SLC6A7: variants seen among roughly 807,000 people sequenced by gnomAD.
SLC6A7 encodes solute carrier family 6 member 7.
Under a neutral mutation model 73.1 loss-of-function variants are expected in SLC6A7, and 58 were observed. The ratio of observed to expected loss-of-function variants is 0.79; its 90% CI spans 0.64 to 0.99. The LOEUF (loss-of-function observed/expected upper bound fraction) is 0.99. Ranked by LOEUF, SLC6A7 falls within the 50% of genes least tolerant of loss-of-function variation. SLC6A7 has a pLI of 0.00. For synonymous variants in SLC6A7, 338 were observed against 338.7 expected (o/e 1.00, Z 0.02); for missense variants, 783 against 831.4 (o/e 0.94, Z 0.72).
intron 5 of SLC6A7, 129 bp from the exon 6 acceptor site, chr5:150,200,960 A>G (rs1022967597): frequency 7.6e-5 from 68 of 889,784 alleles, no homozygotes; most frequent in Non-Finnish European, 1.1e-4. Context: ...GGAAGCCTCA[A>G]GGATGAAGGC....
At position 150,197,136 on chromosome 5, in the gene SLC6A7, C is replaced by T; in HGVS notation, c.444C>T (p.Leu148=). 1 of 1,614,134 alleles carries T rather than the reference C, an allele frequency of 6.2e-7. No homozygotes were observed. Among genetic ancestry groups the T allele is most frequent in the Middle Eastern group, 1.7e-4 (1 of 6,060 alleles). ...AYVLFYLFAS[L]TSDLPWEHCG... ...TGCTCTTCTACCTCTTCGCCTCCCT[C>T]ACCAGCGACCTACCCTGGGAGCACT... is the stretch of plus-strand genomic sequence containing the variant. Residue 148 remains leucine, a synonymous_variant, in exon 4 of 14, where the codon CTC becomes CTT. Transcript: ENST00000230671.
chr5:150,194,115 GTCATCC>G (rs1320769778), intron 1 of SLC6A7, among the ~76,000 whole-genome samples: 2 of 152,058 alleles, frequency 1.3e-5, no homozygotes, highest in African/African-American at 2.4e-5. Flanking sequence ...CTTCATCTTC[GTCATCC>G]TCATCCTCAT....
At chr5:150,207,861 G>T (rs1195687201) in intron 13 of SLC6A7, among the ~76,000 whole-genome samples, 1 of 152,008 alleles carries the variant, frequency 6.6e-6, no homozygotes, top group African/African-American at 2.4e-5. Context: ...TTAGGCCAGG[G>T]GTTCTCACAG....
intron 12 of SLC6A7, 89 bp downstream of exon 12, chr5:150,205,016 C>A: frequency 1.3e-6 from 1 of 795,270 alleles, no homozygotes; most frequent in South Asian, 1.6e-5. Flanking sequence ...GTAGGGCCAC[C>A]CTGGCCCGCA....
intron 1 of SLC6A7, among the ~76,000 whole-genome samples, chr5:150,194,293 G>A (rs1204028033): frequency 1.3e-5 from 2 of 152,112 alleles, no homozygotes; most frequent in Non-Finnish European, 2.9e-5. Flanking sequence ...GCCGGGCGTG[G>A]TGGTGGGCGC....
At chr5:150,198,049 G>GAA (rs1316443957) in intron 4 of SLC6A7, among the ~76,000 whole-genome samples, 2 of 103,650 alleles carry the variant, frequency 1.9e-5, no homozygotes, top group South Asian at 3.2e-4. Context: ...AAAGAAGAAA[G>GAA]AGAAAGAAAG....
chr5:150,197,643 A>G (rs904565080), intron 4 of SLC6A7, among the ~76,000 whole-genome samples: 7 of 152,220 alleles, frequency 4.6e-5, no homozygotes, highest in Admixed American at 3.3e-4. Context: ...TAATAGTAAC[A>G]TTATGGAGTC....
Position 150,190,273 on chromosome 5 carries a change from T to A in SLC6A7, c.-55T>A, listed in dbSNP as rs1323028088. ...GCAGTGGCCAGCGGACCATCTCTCG[T>A]GCCCTCGCTCTCTGCGCTCCGGGGC... On this transcript the variant is annotated 5_prime_UTR_variant, in exon 1 of 14. Transcript: ENST00000230671. The A allele has an allele frequency of 2.7e-6, 4 of 1,455,550 alleles. No homozygotes were observed. The African/African-American group carries it at 5.9e-5, about 21-fold the overall frequency. 90.2% of individuals were successfully genotyped at this position (1,455,550 alleles called of 1,614,324 possible).
In SLC6A7 at chr5:150,203,824, T is replaced by TGTGG. The variant is rs1562096698; in HGVS notation, c.1200+48_1200+49insGGTG. ...GCAGGCACCCCGTGTGTGTGTGGTG[T>TGTGG]GTGTGTGTGTGTGTGTGTGTGTGTG... On this transcript the variant is annotated intron_variant, in intron 9 of 13. Transcript: ENST00000230671. 19 of 847,848 alleles carry TGTGG rather than the reference T, an allele frequency of 2.2e-5. No homozygotes were observed. In the African/African-American group the frequency reaches 3.0e-4, roughly 13 times the overall value. 52.5% of individuals were successfully genotyped at this position (847,848 alleles called of 1,614,324 possible). A position where few individuals can be genotyped will look rare whatever the true frequency, so the allele number is the denominator to read the frequency against.
chr5:150,194,822 A>T lies in SLC6A7; in HGVS notation c.128A>T (p.Lys43Met), dbSNP rs1457414167. 1 of 1,614,138 alleles carries T rather than the reference A, an allele frequency of 6.2e-7. No homozygotes were observed. Among genetic ancestry groups the T allele is most frequent in the African/African-American group, 1.3e-5 (1 of 75,028 alleles). The change falls in exon 2 of 14, where the codon AAG becomes ATG. Residue 43 changes from lysine to methionine, a missense_variant. Lys to Met is a moderately conservative substitution (Grantham distance 95). Transcript: ENST00000230671. ...GCACACCGGGGGAACTGGACAGGCA[A>T]GCTGGACTTCCTGCTGTCCTGCATT... ...FAAHRGNWTG[K>M]LDFLLSCIGY...
At chr5:150,205,657 C>T (rs534762446) in intron 13 of SLC6A7, 34 bp downstream of exon 13, 9 of 1,574,378 alleles carry the variant, frequency 5.7e-6, no homozygotes, top group South Asian at 4.7e-5. Flanking sequence ...TCTCAGCCTT[C>T]CTGACCTGTG....
At position 150,204,006 on chromosome 5, in the gene SLC6A7, A is replaced by G. The variant is rs201628739; in HGVS notation, c.1300A>G (p.Met434Val). The change falls in exon 10 of 14, where the codon ATG becomes GTG. Residue 434 changes from methionine to valine, a missense_variant. Transcript: ENST00000230671. ...GTTCTCAGGGCTCATCTGCGTGGCC[A>G]TGTACCTGATGGGGCTGATCCTCAC... ...AVFSGLICVA[M>V]YLMGLILTTD... is the part of the protein sequence containing the mutation. 154 of 1,613,434 alleles carry G rather than the reference A, an allele frequency of 9.5e-5. No individual in the cohort carries two copies. Among genetic ancestry groups the G allele is most frequent in the Non-Finnish European group, 1.2e-4 (147 of 1,179,830 alleles).
intron 13 of SLC6A7, among the ~76,000 whole-genome samples, chr5:150,208,687 C>G (rs1753815457): frequency 6.6e-6 from 1 of 152,220 alleles, no homozygotes; most frequent in Admixed American, 6.5e-5. Context: ...TGTTAATTGC[C>G]TCCTTTCTTT....
chr5:150,207,529 T>A (rs1383701168), intron 13 of SLC6A7, among the ~76,000 whole-genome samples: 1 of 152,208 alleles, frequency 6.6e-6, no homozygotes, highest in African/African-American at 2.4e-5. Flanking sequence ...TGTCTTTGTC[T>A]TTAAAATGGA....
chr5:150,206,839 C>T (rs547170567), intron 13 of SLC6A7, among the ~76,000 whole-genome samples: 1 of 152,326 alleles, frequency 6.6e-6, no homozygotes, highest in South Asian at 2.1e-4. Context: ...AGCTCATGGT[C>T]CCCAAGCCTT....
intron 1 of SLC6A7, among the ~76,000 whole-genome samples, chr5:150,193,422 G>A (rs906872266): frequency 2.6e-5 from 4 of 152,160 alleles, no homozygotes; most frequent in Non-Finnish European, 5.9e-5. Context: ...TCCTGCTCAT[G>A]AGCCAAAATT....
At chr5:150,192,220 C>T (rs1017979280) in intron 1 of SLC6A7, among the ~76,000 whole-genome samples, 2 of 152,066 alleles carry the variant, frequency 1.3e-5, no homozygotes, top group African/African-American at 4.8e-5. Flanking sequence ...TGCTGTTTGA[C>T]CTTGGGCTCA....
At chr5:150,200,845 C>A (rs1753341494) in intron 5 of SLC6A7, among the ~76,000 whole-genome samples, 1 of 152,030 alleles carries the variant, frequency 6.6e-6, no homozygotes, top group Non-Finnish European at 1.5e-5. Flanking sequence ...GAGGAGGAGG[C>A]TTTTATAACC....
chr5:150,201,198 A>T lies in SLC6A7; in HGVS notation c.833A>T (p.Gln278Leu), dbSNP rs1043525473. The T allele has an allele frequency of 2.5e-6, 4 of 1,612,828 alleles. No individual in the cohort carries two copies. Among genetic ancestry groups the T allele is most frequent in the Non-Finnish European group, 3.4e-6 (4 of 1,179,434 alleles). The change falls in exon 6 of 14, where the codon CAG becomes CTG. Residue 278 changes from glutamine to leucine, a missense_variant. By Grantham distance (113) the Gln-to-Leu change is moderately radical (BLOSUM62 -2). Transcript: ENST00000230671. ...WKGIQFYLTP[Q>L]FHHLLSSKVW... The stretch of plus-strand genomic sequence containing the variant: ...GGCATCCAGTTCTATCTCACCCCCC[A>T]GTTCCACCACTTGTTGTCTTCCAAG...
Sources: allele counts gnomAD v4.1 joint callset (sites outside exome capture counted in the v4.1 genomes callset), GRCh38; gene constraint gnomAD v4.1.1; transcripts MANE v1.5; gene names NCBI Gene and HGNC (gene_info 2026-07-23, HGNC 2026-07-21).